The following CALD1 variants were observed in gnomAD, a reference collection of about 807,000 sequenced individuals.
CALD1 encodes caldesmon 1, also known as caldesmon.
Under a neutral mutation model 99.9 loss-of-function variants are expected in CALD1, and 33 were observed. The observed-to-expected ratio is 0.33, with a 90% confidence interval of 0.25 to 0.44. The LOEUF is 0.44. Ranked by LOEUF, CALD1 falls within the 20% of genes least tolerant of loss-of-function variation. The pLI, the probability that CALD1 is intolerant of heterozygous loss-of-function variation, is 1.00. For missense variants in CALD1, 861 were observed against 962.1 expected (o/e 0.89, Z 1.39); for synonymous variants, 310 against 325.0 (o/e 0.95, Z 0.50).
chr7:134,759,331 T>C (rs1001394751), intron 1 of CALD1, among the ~76,000 whole-genome samples: 1 of 152,042 alleles, frequency 6.6e-6, no homozygotes, highest in African/African-American at 2.4e-5. Context: ...GTGATTGCAA[T>C]AGGGGAGAAT....
chr7:134,945,671 C>T (rs1211827508), intron 7 of CALD1, among the ~76,000 whole-genome samples: 1 of 152,120 alleles, frequency 6.6e-6, no homozygotes, highest in Non-Finnish European at 1.5e-5. Context: ...TAAAGAATGA[C>T]ATGTAAGTAA....
At chr7:134,938,858 T>C (rs1258790785) in intron 6 of CALD1, among the ~76,000 whole-genome samples, 1 of 152,236 alleles carries the variant, frequency 6.6e-6, no homozygotes, top group African/African-American at 2.4e-5. Flanking sequence ...ATGTATCATC[T>C]TACAAATCTA....
At chr7:134,929,327 T>G (rs1395987292) in intron 4 of CALD1, among the ~76,000 whole-genome samples, 3 of 151,902 alleles carry the variant, frequency 2.0e-5, no homozygotes, top group African/African-American at 4.8e-5. Flanking sequence ...ATTTCTGATA[T>G]TTTGGTGCAC....
intron 3 of CALD1, among the ~76,000 whole-genome samples, chr7:134,927,405 A>T (rs1805108647): frequency 6.6e-6 from 1 of 151,736 alleles, no homozygotes; most frequent in South Asian, 2.1e-4. Flanking sequence ...TACAAAAGTT[A>T]GCTGGGTGTG....
rs139670046 is a variant in CALD1, at chr7:134,952,979, T to TG, written c.1935+2466dup. Among the ~76,000 whole-genome samples the TG allele has an allele frequency of 4.7e-3, 721 of 152,290 alleles. 5 individuals are homozygous for TG. The highest frequency in any genetic ancestry group is 0.017 in the African/African-American group (691 of 41,554). On this transcript the variant is annotated intron_variant, in intron 9 of 14. Transcript: ENST00000361675. ...AAAGAACAAAGCAAGGTGGCTGCCC[T>TG]GATGGCTCTAATGACTGCCTCAAAG... is the stretch of plus-strand genomic sequence containing the variant.
At chr7:134,869,591 A>C (rs1800968010) in intron 3 of CALD1, among the ~76,000 whole-genome samples, 1 of 152,182 alleles carries the variant, frequency 6.6e-6, no homozygotes, top group South Asian at 2.1e-4. Context: ...ACATCTGAGG[A>C]GCTGGAAGGA....
intron 1 of CALD1, among the ~76,000 whole-genome samples, chr7:134,800,688 G>A (rs987895840): frequency 3.3e-5 from 5 of 151,986 alleles, no homozygotes; most frequent in Non-Finnish European, 7.4e-5. Flanking sequence ...TAATGTATGA[G>A]ATAAATCCAT....
chr7:134,775,642 C>T (rs959756453), upstream of CALD1, among the ~76,000 whole-genome samples: 2 of 151,420 alleles, frequency 1.3e-5, no homozygotes, highest in Middle Eastern at 3.4e-3. Flanking sequence ...ACCCGGGAAG[C>T]GGAGCTTGCA....
intron 1 of CALD1, among the ~76,000 whole-genome samples, chr7:134,788,146 A>G (rs1056451688): frequency 2.0e-5 from 3 of 152,226 alleles, no homozygotes; most frequent in Non-Finnish European, 4.4e-5. Flanking sequence ...TAAACTTACA[A>G]TTAAACACAT....
chr7:134,845,826 C>T (rs1799829307), intron 2 of CALD1, among the ~76,000 whole-genome samples: 1 of 152,186 alleles, frequency 6.6e-6, no homozygotes, highest in South Asian at 2.1e-4. Context: ...AGGACCCGTC[C>T]AAGAGGAAGA....
At chr7:134,833,045 T>C (rs1799294507) in intron 1 of CALD1, among the ~76,000 whole-genome samples, 2 of 152,264 alleles carry the variant, frequency 1.3e-5, no homozygotes, top group Non-Finnish European at 2.9e-5. Flanking sequence ...ATCAGCTCTA[T>C]TTAGCCTATA....
At chr7:134,882,524 T>C (rs561479664) in intron 3 of CALD1, among the ~76,000 whole-genome samples, 3 of 152,214 alleles carry the variant, frequency 2.0e-5, no homozygotes, top group Non-Finnish European at 4.4e-5. Context: ...ATCTGCATTA[T>C]AAATCAGATA....
Position 134,957,954 on chromosome 7 carries a change from C to G in CALD1, c.1936-115C>G, listed in dbSNP as rs1011475147. On this transcript the variant is annotated intron_variant, in intron 9 of 14. Coordinates refer to ENST00000361675, the MANE Select transcript of CALD1 (RefSeq NM_033138.4). ...AGCTACGCACAGTAACTCAAATACCCTTATATGCTCTTCGGTGTGTTTAAC... is the reference window on the plus strand; with the variant it reads ...AGCTACGCACAGTAACTCAAATACCGTTATATGCTCTTCGGTGTGTTTAAC... 7 of 756,566 alleles carry G rather than the reference C, an allele frequency of 9.3e-6. No homozygotes were observed. In the Admixed American group the frequency reaches 1.4e-4, roughly 15 times the overall value. The allele number at this position is 756,566 out of a possible 1,614,324, so 46.9% of individuals were successfully genotyped here. A position where few individuals can be genotyped will look rare whatever the true frequency, so the allele number is the denominator to read the frequency against.
intron 1 of CALD1, among the ~76,000 whole-genome samples, chr7:134,820,435 G>A (rs1265565006): frequency 6.6e-6 from 1 of 152,186 alleles, no homozygotes; most frequent in Non-Finnish European, 1.5e-5. Context: ...CAGATAAAAT[G>A]CTTCCGGTCT....
chr7:134,954,471 A>C (rs1041474197), intron 9 of CALD1, among the ~76,000 whole-genome samples: 4 of 152,236 alleles, frequency 2.6e-5, no homozygotes, highest in Non-Finnish European at 5.9e-5. Context: ...AATTCAGTAC[A>C]AATTGTTTAG....
chr7:134,754,597 A>G (rs1796712225), intron 1 of CALD1, among the ~76,000 whole-genome samples: 1 of 152,242 alleles, frequency 6.6e-6, no homozygotes, highest in Non-Finnish European at 1.5e-5. Context: ...TTGACATACA[A>G]GAAAATACAT....
intron 1 of CALD1, among the ~76,000 whole-genome samples, chr7:134,781,899 C>G (rs1562997572): frequency 6.6e-6 from 1 of 152,316 alleles, no homozygotes; most frequent in South Asian, 2.1e-4. Flanking sequence ...CATTTCCTGA[C>G]AGTAAGGCAA....
intron 4 of CALD1, among the ~76,000 whole-genome samples, chr7:134,929,644 GTGTA>G: frequency 5.5e-4 from 1 of 1,814 alleles, no homozygotes; most frequent in Middle Eastern, 0.045. Context: ...GTGTGTGTGT[GTGTA>G]TATATATATA....
chr7:134,835,149 C>T (rs769018685), intron 1 of CALD1, among the ~76,000 whole-genome samples: 1 of 152,200 alleles, frequency 6.6e-6, no homozygotes, highest in African/African-American at 2.4e-5. Context: ...GGAATGACAT[C>T]TAGTGAATTT....
Sources: allele counts gnomAD v4.1 joint callset (sites outside exome capture counted in the v4.1 genomes callset), GRCh38; gene constraint gnomAD v4.1.1; transcripts MANE v1.5; gene names NCBI Gene and HGNC (gene_info 2026-07-23, HGNC 2026-07-21).